Variants in TBC1D31 observed in about 807,000 individuals in gnomAD.
TBC1D31 encodes the protein WD repeat domain 67.
TBC1D31 carries 99 observed loss-of-function variants against 132.9 expected under a neutral mutation model. The ratio of observed to expected loss-of-function variants is 0.74; its 90% confidence interval spans 0.63 to 0.88. The LOEUF is 0.88. TBC1D31 is among the 40% of genes least tolerant of loss of function. The pLI is 0.00. For missense variants in TBC1D31, 1,134 were observed against 1,256.6 expected (o/e 0.90, Z 1.48); for synonymous variants, 385 against 419.4 (o/e 0.92, Z 1.00).
chr8:123,075,327 C>T (rs1187420569), intron 1 of TBC1D31, among the ~76,000 whole-genome samples: 2 of 152,144 alleles, frequency 1.3e-5, no homozygotes, highest in Non-Finnish European at 2.9e-5. Context: ...TTTAGATACA[C>T]ATGGAGAAAA....
At chr8:123,111,016 T>A (rs78677848) in intron 10 of TBC1D31, among the ~76,000 whole-genome samples, 4,496 of 152,246 alleles carry the variant, frequency 0.03, 195 homozygotes, top group African/African-American at 0.1. Flanking sequence ...TTCATAGTAT[T>A]GTTTAACATG....
intron 6 of TBC1D31, among the ~76,000 whole-genome samples, chr8:123,100,453 G>C (rs1817283827): frequency 6.6e-6 from 1 of 152,030 alleles, no homozygotes; most frequent in African/African-American, 2.4e-5. Context: ...ACACATGCCT[G>C]TAATCCCAGC....
intron 3 of TBC1D31, chr8:123,083,140 A>T: frequency 5.4e-6 from 1 of 184,712 alleles, no homozygotes; most frequent in Non-Finnish European, 1.1e-5. Flanking sequence ...CATGGGGTGG[A>T]ATTTGGGAGG....
intron 7 of TBC1D31, chr8:123,102,573 C>T: frequency 4.2e-6 from 1 of 237,182 alleles, no homozygotes; most frequent in Non-Finnish European, 8.4e-6. Flanking sequence ...AGTCACTCCT[C>T]ATTATTTGTG....
chr8:123,111,492 T>C (rs1818433721), intron 10 of TBC1D31, among the ~76,000 whole-genome samples: 1 of 152,196 alleles, frequency 6.6e-6, no homozygotes. Context: ...AGATTGAACA[T>C]ATAGACCTTT....
At chr8:123,075,386 G>C (rs1172460534) in intron 1 of TBC1D31, among the ~76,000 whole-genome samples, 1 of 152,134 alleles carries the variant, frequency 6.6e-6, no homozygotes, top group African/African-American at 2.4e-5. Context: ...AAATTATAAT[G>C]AAGATAGATG....
chr8:123,144,672 AC>A, intron 19 of TBC1D31, 44 bp from the exon 20 acceptor site: 2 of 1,562,190 alleles, frequency 1.3e-6, no homozygotes, highest in Non-Finnish European at 1.7e-6. Flanking sequence ...AATGTGTATT[AC>A]TATACTTTTT....
intron 10 of TBC1D31, among the ~76,000 whole-genome samples, chr8:123,111,283 G>A (rs748483864): frequency 2.6e-5 from 4 of 152,116 alleles, no homozygotes; most frequent in Admixed American, 6.5e-5. Context: ...ATATAATTCT[G>A]TTCCTTCTCA....
At chr8:123,097,199 C>A (rs1816915688) in intron 5 of TBC1D31, 83 bp from the exon 6 acceptor site, 6 of 1,443,032 alleles carry the variant, frequency 4.2e-6, no homozygotes, top group Non-Finnish European at 5.7e-6. Flanking sequence ...CAGTACATTT[C>A]TGTCATCATA....
Position 123,110,326 on chromosome 8 carries a change from G to A in TBC1D31, c.1436+706G>A, listed in dbSNP as rs939407851. Among the ~76,000 whole-genome samples the A allele has an allele frequency of 1.6e-4, 25 of 152,000 alleles. 1 individual carries two copies. The highest frequency in any genetic ancestry group is 4.1e-4 in the South Asian group (2 of 4,824). Reference sequence around the variant, plus strand: ...TGCATATGCTAGAGTCCATTCCTAGGAAGCATCCAGTAAATGTTAATAATA... The same window carrying A: ...TGCATATGCTAGAGTCCATTCCTAGAAAGCATCCAGTAAATGTTAATAATA... On this transcript the variant is annotated intron_variant, in intron 10 of 21. Coordinates refer to ENST00000287380, the MANE Select transcript of TBC1D31 (RefSeq NM_145647.4).
chr8:123,102,050 C>T (rs1376998541), intron 7 of TBC1D31, among the ~76,000 whole-genome samples: 1 of 152,182 alleles, frequency 6.6e-6, no homozygotes, highest in Non-Finnish European at 1.5e-5. Context: ...CCCATAGACA[C>T]CATCCTTATT....
At chr8:123,137,091 G>A (rs557575948) in intron 17 of TBC1D31, among the ~76,000 whole-genome samples, 7 of 152,202 alleles carry the variant, frequency 4.6e-5, no homozygotes, top group South Asian at 2.1e-4. Context: ...CATTCCATAC[G>A]TATCTAATTT....
Position 123,129,225 on chromosome 8 carries a change from G to A in TBC1D31, c.2270+7G>A. Reference sequence around the variant, plus strand: ...TGATACAACAAAGACAGAGGTATGTGTTATCACTTTAAAAAAAAATCTGGA... The same window carrying A: ...TGATACAACAAAGACAGAGGTATGTATTATCACTTTAAAAAAAAATCTGGA... On this transcript the variant is annotated splice_region_variant and intron_variant, in intron 15 of 21. Transcript: ENST00000287380. The A allele has an allele frequency of 6.7e-7, 1 of 1,498,164 alleles. No individual in the cohort carries two copies. Among genetic ancestry groups the A allele is most frequent in the Non-Finnish European group, 9.0e-7 (1 of 1,114,366 alleles). 92.8% of individuals were successfully genotyped at this position (1,498,164 alleles called of 1,614,324 possible).
At position 123,118,608 on chromosome 8, in the gene TBC1D31, G is replaced by A. The variant is rs141466646; in HGVS notation, c.1437-1447G>A. ...ATATGCAAAACCTGACAAATGAAAC[G>A]CTGGTTTCTTTAATGTATGAAGCGC... On this transcript the variant is annotated intron_variant, in intron 10 of 21. Coordinates refer to ENST00000287380, the MANE Select transcript of TBC1D31 (RefSeq NM_145647.4). 3.7e-3 allele frequency among the ~76,000 whole-genome samples: 567 copies of A among 151,840 alleles called. 2 individuals carry two copies. The highest frequency in any genetic ancestry group is 0.013 in the African/African-American group (549 of 41,406).
intron 10 of TBC1D31, among the ~76,000 whole-genome samples, chr8:123,110,527 A>T (rs1275500313): frequency 6.6e-6 from 1 of 152,144 alleles, no homozygotes; most frequent in Non-Finnish European, 1.5e-5. Flanking sequence ...TTTATTATGA[A>T]AAATTTCAAG....
chr8:123,149,812 T>C (rs940165474), intron 20 of TBC1D31, among the ~76,000 whole-genome samples: 1 of 152,262 alleles, frequency 6.6e-6, no homozygotes, highest in African/African-American at 2.4e-5. Context: ...TTGTTTTAGC[T>C]GAAAGTGTTT....
intron 16 of TBC1D31, among the ~76,000 whole-genome samples, chr8:123,131,345 C>CAA (rs1201321091): frequency 9.0e-6 from 1 of 111,504 alleles, no homozygotes; most frequent in Non-Finnish European, 1.6e-5. Context: ...GCCTGAGCGA[C>CAA]AGAGTGAGAC....
chr8:123,146,766 C>T (rs929356558), intron 20 of TBC1D31, among the ~76,000 whole-genome samples: 2 of 152,008 alleles, frequency 1.3e-5, no homozygotes, highest in African/African-American at 4.8e-5. Flanking sequence ...CTTACTGCAA[C>T]CTCTGCCTCC....
rs776975284 is a variant in TBC1D31, at chr8:123,128,487, T to G, written c.2091T>G (p.Asn697Lys). 4 of 1,610,504 alleles carry G rather than the reference T, an allele frequency of 2.5e-6. No homozygotes were observed. Among genetic ancestry groups the G allele is most frequent in the Non-Finnish European group, 3.4e-6 (4 of 1,176,900 alleles). The stretch of plus-strand genomic sequence containing the variant: ...CACAGGAACGAGAAAGAATAAGGAA[T>G]GATGAATTGGATTACTTAAGAGAGA... ...YQTQERERIRNDELDYLRERQ... is the reference protein window; with the variant it reads ...YQTQERERIRKDELDYLRERQ... The change falls in exon 14 of 22, where the codon AAT becomes AAG. Residue 697 changes from asparagine to lysine, a missense_variant. Physicochemically the swap from Asn to Lys is moderately conservative, Grantham distance 94 (BLOSUM62 0). Transcript: ENST00000287380.
Sources: allele counts gnomAD v4.1 joint callset (sites outside exome capture counted in the v4.1 genomes callset), GRCh38; gene constraint gnomAD v4.1.1; transcripts MANE v1.5; gene names NCBI Gene and HGNC (gene_info 2026-07-23, HGNC 2026-07-21).